The following LRRC40 variants were observed in gnomAD, a reference collection of about 807,000 sequenced individuals.
LRRC40 encodes the protein leucine rich repeat containing 40, also known as leucine-rich repeat-containing protein 40.
Under a neutral mutation model 72.8 loss-of-function variants are expected in LRRC40, and 76 were observed. The ratio of observed to expected loss-of-function variants is 1.04; its 90% CI spans 0.87 to 1.26. The LOEUF (loss-of-function observed/expected upper bound fraction) is 1.26. LRRC40 is among the 50% of genes most tolerant of loss of function. The pLI is 0.00. For synonymous variants in LRRC40, 243 were observed against 254.2 expected (o/e 0.96, Z 0.42); for missense variants, 684 against 698.9 (o/e 0.98, Z 0.24).
chr1:70,171,237 T>C (rs1248495690), intron 9 of LRRC40, among the ~76,000 whole-genome samples: 2 of 151,720 alleles, frequency 1.3e-5, no homozygotes, highest in Non-Finnish European at 2.9e-5. Context: ...TTTAAAACAA[T>C]GGCGTTATAA....
chr1:70,181,844 T>C (rs1005688740), intron 4 of LRRC40, among the ~76,000 whole-genome samples: 1 of 152,098 alleles, frequency 6.6e-6, no homozygotes, highest in Non-Finnish European at 1.5e-5. Context: ...GTTTGCTTTT[T>C]CTTTAAATAG....
intron 1 of LRRC40, 93 bp from the exon 2 acceptor site, chr1:70,189,366 C>T (rs1486020303): frequency 2.0e-6 from 2 of 1,014,846 alleles, no homozygotes; most frequent in African/African-American, 1.6e-5. Context: ...TTATAATAGC[C>T]ATTCCATTTA....
At chr1:70,151,925 T>G (rs1322614927) in intron 12 of LRRC40, 2 of 152,234 alleles carry the variant, frequency 1.3e-5, no homozygotes, top group African/African-American at 4.8e-5. Context: ...CTATTACAAA[T>G]AAATATTTTT....
rs150974944 is a variant in LRRC40 at position 70,156,213 on chromosome 1, T to C, written c.1221-417A>G. On this transcript the variant is annotated intron_variant, in intron 10 of 14. Coordinates refer to ENST00000370952, the MANE Select transcript of LRRC40 (RefSeq NM_017768.5). ...TTTCTGTCAAATTTGTTTGGGTATA[T>C]AATTTCTACAAGATAATAACTTTTT... Among the ~76,000 whole-genome samples, 6 of 152,232 alleles carry C rather than the reference T, an allele frequency of 3.9e-5. No homozygotes were observed. The East Asian group carries it at 1.2e-3, about 29-fold the overall frequency.
intron 1 of LRRC40, among the ~76,000 whole-genome samples, chr1:70,197,677 T>C (rs1436024792): frequency 6.6e-6 from 1 of 151,142 alleles, no homozygotes; most frequent in East Asian, 2.0e-4. Flanking sequence ...CACAAATGGG[T>C]TGATCACAGA....
At chr1:70,167,153 C>T (rs1667898490) in intron 9 of LRRC40, among the ~76,000 whole-genome samples, 1 of 149,524 alleles carries the variant, frequency 6.7e-6, no homozygotes, top group Non-Finnish European at 1.5e-5. Flanking sequence ...AAATATACTT[C>T]CCAGAGATCA....
chr1:70,157,691 G>A (rs1005097129), intron 10 of LRRC40, among the ~76,000 whole-genome samples: 2 of 152,136 alleles, frequency 1.3e-5, no homozygotes, highest in Non-Finnish European at 2.9e-5. Flanking sequence ...AAAAGCCTAA[G>A]GCAGGAATGA....
intron 6 of LRRC40, among the ~76,000 whole-genome samples, chr1:70,176,447 G>A (rs1013622641): frequency 8.1e-5 from 12 of 147,790 alleles, no homozygotes; most frequent in Non-Finnish European, 1.5e-4. Flanking sequence ...CAGGAGAATC[G>A]CTTGAACCCA....
chr1:70,197,261 G>A (rs1385820509), intron 1 of LRRC40, among the ~76,000 whole-genome samples: 2 of 151,394 alleles, frequency 1.3e-5, no homozygotes, highest in Non-Finnish European at 3.0e-5. Context: ...GCGGGGGGGA[G>A]GAAGATGTAT....
intron 1 of LRRC40, among the ~76,000 whole-genome samples, chr1:70,193,159 G>A (rs1668537422): frequency 1.3e-5 from 2 of 151,296 alleles, no homozygotes; most frequent in Non-Finnish European, 1.5e-5. Context: ...AATAAAAGGT[G>A]GAAATCAATG....
chr1:70,159,524 G>GT, intron 9 of LRRC40, 86 bp from the exon 10 acceptor site: 6 of 540,940 alleles, frequency 1.1e-5, no homozygotes, highest in Non-Finnish European at 2.0e-5. Context: ...AACAGTGTAC[G>GT]TGATTTCTAG....
intron 1 of LRRC40, among the ~76,000 whole-genome samples, chr1:70,196,667 C>T (rs1283710942): frequency 6.6e-6 from 1 of 152,078 alleles, no homozygotes; most frequent in Non-Finnish European, 1.5e-5. Flanking sequence ...ATTTCATTTA[C>T]ATGCAATTTT....
chr1:70,191,190 G>A (rs763266610), intron 1 of LRRC40, among the ~76,000 whole-genome samples: 2 of 151,268 alleles, frequency 1.3e-5, no homozygotes, highest in Non-Finnish European at 2.9e-5. Context: ...ATTTAAAAAG[G>A]CAAGATAAAA....
chr1:70,193,100 G>C (rs1412736706), intron 1 of LRRC40, among the ~76,000 whole-genome samples: 2 of 151,750 alleles, frequency 1.3e-5, no homozygotes, highest in Non-Finnish European at 2.9e-5. Flanking sequence ...ACAATCTTAG[G>C]AACCCAGAAA....
intron 1 of LRRC40, among the ~76,000 whole-genome samples, chr1:70,204,750 C>CACACACAG (rs1668871748): frequency 6.6e-6 from 1 of 151,858 alleles, no homozygotes; most frequent in South Asian, 2.1e-4. Flanking sequence ...CACACACACA[C>CACACACAG]ACACACACAC....
chr1:70,179,389 A>C (rs994331468), intron 5 of LRRC40, among the ~76,000 whole-genome samples: 2 of 152,070 alleles, frequency 1.3e-5, no homozygotes, highest in African/African-American at 4.8e-5. Context: ...TGGGAGGTTG[A>C]GGCAGGAAGA....
At chr1:70,153,909 G>T (rs554282754) in intron 11 of LRRC40, among the ~76,000 whole-genome samples, 57 of 151,016 alleles carry the variant, frequency 3.8e-4, no homozygotes, top group African/African-American at 1.4e-3. Flanking sequence ...AGAGGTTAAG[G>T]GTGCACTGAG....
chr1:70,160,968 T>G (rs967803048), intron 9 of LRRC40, among the ~76,000 whole-genome samples: 2 of 151,574 alleles, frequency 1.3e-5, no homozygotes, highest in Non-Finnish European at 2.9e-5. Flanking sequence ...TGGCAACGAA[T>G]AGAAGATCCT....
chr1:70,162,259 T>C (rs557876983), intron 9 of LRRC40, among the ~76,000 whole-genome samples: 32 of 151,988 alleles, frequency 2.1e-4, no homozygotes, highest in African/African-American at 7.5e-4. Flanking sequence ...GTATAACCCC[T>C]AAGGATGGAG....
Sources: gnomAD v4.1 joint callset for allele counts (sites outside exome capture counted in the v4.1 genomes callset) on GRCh38, gnomAD v4.1.1 for gene constraint, MANE v1.5 for transcripts, NCBI Gene and HGNC (gene_info 2026-07-23, HGNC 2026-07-21) for gene names.